Variants in NFATC2 observed in about 807,000 individuals in gnomAD.
NFATC2 encodes nuclear factor of activated T-cells, cytoplasmic 2.
In NFATC2, 22 loss-of-function variants were observed where a neutral mutation model predicts 87.3. That is an observed-to-expected ratio of 0.25 (90% CI 0.18 to 0.36). NFATC2 has a LOEUF of 0.36. NFATC2 is among the 10% of genes least tolerant of loss of function. The pLI, the probability that NFATC2 is intolerant of heterozygous loss-of-function variation, is 1.00. For synonymous variants in NFATC2, 565 were observed against 542.2 expected (o/e 1.04, Z -0.58); for missense variants, 1,149 against 1,259.1 (o/e 0.91, Z 1.32).
At chr20:51,521,615 C>T (rs923856782) in intron 2 of NFATC2, among the ~76,000 whole-genome samples, 2 of 152,242 alleles carry the variant, frequency 1.3e-5, no homozygotes, top group Non-Finnish European at 2.9e-5. Flanking sequence ...GCCACCGCAC[C>T]CGGCCTATTT....
rs578089470 is a variant in NFATC2, at chr20:51,529,163, C to T, written c.131-5053G>A. Among the ~76,000 whole-genome samples the T allele has an allele frequency of 4.1e-4, 63 of 152,168 alleles. 1 individual carries two copies. In the South Asian group the frequency reaches 6.6e-3, roughly 16 times the overall value. On this transcript the variant is annotated intron_variant, in intron 1 of 10. Coordinates refer to ENST00000371564, the MANE Select transcript of NFATC2 (RefSeq NM_012340.5). ...ACAAAAAGTTTCTTAGCAAAAATTC[C>T]GGCCGTATCAGAAGAACTGCACTGT...
intron 3 of NFATC2, among the ~76,000 whole-genome samples, chr20:51,496,718 T>TA (rs2075994646): frequency 6.6e-6 from 1 of 152,080 alleles, no homozygotes; most frequent in South Asian, 2.1e-4. Flanking sequence ...ACAAAGCCAA[T>TA]AAGTGGCAGA....
At position 51,523,029 on chromosome 20, in the gene NFATC2, C is replaced by T; in HGVS notation, c.1160+52G>A. ...GAATCCCATGCTCATAACCAGAAAACCATCTCTTAAAACTAAACCACAGAA... is the reference window on the plus strand; with the variant it reads ...GAATCCCATGCTCATAACCAGAAAATCATCTCTTAAAACTAAACCACAGAA... On this transcript the variant is annotated intron_variant, in intron 2 of 10. Coordinates refer to ENST00000371564, the MANE Select transcript of NFATC2 (RefSeq NM_012340.5). This position sits in a 1 kb window ranked among gnomAD's most constrained non-coding sequence, Gnocchi z 6.9. 1 of 1,606,784 alleles carries T rather than the reference C, an allele frequency of 6.2e-7. No homozygotes were observed. Among genetic ancestry groups the T allele is most frequent in the Non-Finnish European group, 8.5e-7 (1 of 1,177,946 alleles).
chr20:51,490,687 G>A (rs2075867119), intron 3 of NFATC2, among the ~76,000 whole-genome samples: 1 of 152,144 alleles, frequency 6.6e-6, no homozygotes, highest in Non-Finnish European at 1.5e-5. Flanking sequence ...ACACACGGTG[G>A]CACATGCCTG....
At chr20:51,452,229 C>T (rs1985886354) in intron 6 of NFATC2, among the ~76,000 whole-genome samples, 1 of 152,128 alleles carries the variant, frequency 6.6e-6, no homozygotes, top group Non-Finnish European at 1.5e-5. Context: ...TCAGGCTGAC[C>T]TCGGGCTCTG....
chr20:51,416,060 A>G (rs553984200), intron 9 of NFATC2, among the ~76,000 whole-genome samples: 8 of 152,164 alleles, frequency 5.3e-5, no homozygotes, highest in African/African-American at 1.9e-4. Flanking sequence ...TCAGGAGTTC[A>G]AGACCAGCCT....
At chr20:51,421,074 A>T (rs1194296409) in intron 9 of NFATC2, among the ~76,000 whole-genome samples, 3 of 48,392 alleles carry the variant, frequency 6.2e-5, no homozygotes, top group East Asian at 1.7e-3. Flanking sequence ...CCTATGTCTT[A>T]AAAAAAAAAA....
intron 1 of NFATC2, among the ~76,000 whole-genome samples, chr20:51,540,647 G>GTTTTTTGTTTTTTTTTTTTTTTTT (rs1555818252): frequency 2.7e-5 from 3 of 112,974 alleles, no homozygotes; most frequent in African/African-American, 1.3e-4. Context: ...AAAAACTGAA[G>GTTTTTTGTTTTTTTTTTTTTTTTT]TTTTTTTTTT....
intron 3 of NFATC2, among the ~76,000 whole-genome samples, chr20:51,476,671 A>C (rs1043815092): frequency 6.6e-6 from 1 of 152,228 alleles, no homozygotes; most frequent in African/African-American, 2.4e-5. Flanking sequence ...AATCTCTAGC[A>C]CCTAGAGTAA....
At chr20:51,553,442 G>A (rs370637898) in intron 1 of NFATC2, among the ~76,000 whole-genome samples, 23 of 152,146 alleles carry the variant, frequency 1.5e-4, no homozygotes, top group African/African-American at 4.3e-4. Flanking sequence ...TTGGGAGGCC[G>A]AGGTGGGCGG....
intron 5 of NFATC2, among the ~76,000 whole-genome samples, chr20:51,464,729 T>TG: frequency 6.6e-6 from 1 of 152,232 alleles, no homozygotes; most frequent in Non-Finnish European, 1.5e-5. Flanking sequence ...TGAGTTGGTC[T>TG]CTGATTTATA....
intron 9 of NFATC2, among the ~76,000 whole-genome samples, chr20:51,417,985 G>A (rs1489347724): frequency 1.3e-5 from 2 of 152,186 alleles, no homozygotes; most frequent in Non-Finnish European, 2.9e-5. Context: ...TTTCACACAT[G>A]CCTCGCCCAA....
chr20:51,402,602 G>A (rs187513803), intron 9 of NFATC2, among the ~76,000 whole-genome samples: 2 of 152,246 alleles, frequency 1.3e-5, no homozygotes, highest in African/African-American at 2.4e-5. Flanking sequence ...ATAAATACCT[G>A]AGTTTTGGGG....
chr20:51,544,363 T>C (rs2076871810), upstream of NFATC2, among the ~76,000 whole-genome samples: 1 of 152,142 alleles, frequency 6.6e-6, no homozygotes, highest in Non-Finnish European at 1.5e-5. Context: ...GGGAGAGGTC[T>C]TAAGATCCTC....
chr20:51,468,529 G>A (rs1445644593), intron 5 of NFATC2, among the ~76,000 whole-genome samples: 1 of 152,252 alleles, frequency 6.6e-6, no homozygotes, highest in Non-Finnish European at 1.5e-5. Context: ...CATCTGCTGG[G>A]CAGGGAGAAA....
chr20:51,411,988 C>A (rs1762210336), intron 9 of NFATC2, among the ~76,000 whole-genome samples: 1 of 152,002 alleles, frequency 6.6e-6, no homozygotes, highest in Admixed American at 6.6e-5. Flanking sequence ...TATTAAGAGC[C>A]CCATTAGGGT....
chr20:51,544,189 G>A (rs764688168), upstream of NFATC2, among the ~76,000 whole-genome samples: 2 of 151,656 alleles, frequency 1.3e-5, no homozygotes, highest in Non-Finnish European at 2.9e-5. Context: ...GGGTTTCACT[G>A]TGTTAGCCAG....
rs73128864 is a variant in NFATC2, at chr20:51,481,112, G to A, written c.1333-5452C>T. On this transcript the variant is annotated intron_variant, in intron 3 of 10. Coordinates refer to ENST00000371564, the MANE Select transcript of NFATC2 (RefSeq NM_012340.5). The stretch of plus-strand genomic sequence containing the variant: ...CCCTCCTACAAAAGGTACAGAATGT[G>A]CCCAGAATCCCAACTGCTCAGCTGC... Among the ~76,000 whole-genome samples the A allele has an allele frequency of 4.8e-3, 735 of 152,248 alleles. 5 individuals are homozygous for A. Among genetic ancestry groups the A allele is most frequent in the Non-Finnish European group, 7.4e-3 (505 of 68,010 alleles).
At chr20:51,562,764 G>A (rs1319718217), upstream of NFATC2, 5 of 763,754 alleles carry the variant, frequency 6.5e-6, no homozygotes, top group African/African-American at 1.8e-5. The surrounding 1 kb of genome is among the most constrained non-coding windows in gnomAD (Gnocchi z 5.8). Flanking sequence ...AGCGACCCGG[G>A]AGCTGCGCGC....
Sources: gnomAD v4.1 joint callset for allele counts (sites outside exome capture counted in the v4.1 genomes callset) on GRCh38, gnomAD v4.1.1 for gene constraint, Gnocchi (gnomAD v3.1) non-coding constraint, MANE v1.5 for transcripts, NCBI Gene and HGNC (gene_info 2026-07-23, HGNC 2026-07-21) for gene names.